FMN1: variants seen among roughly 807,000 people sequenced by gnomAD.
FMN1 encodes formin-1.
A neutral mutation model predicts 132.4 loss-of-function variants in FMN1; 110 were observed. That is an observed-to-expected ratio of 0.83 (90% CI 0.71 to 0.97). The LOEUF (loss-of-function observed/expected upper bound fraction) is 0.97. Among genes scored for constraint, FMN1 ranks in the 50% least tolerant of loss-of-function variants. The probability of loss-of-function intolerance (pLI) is 0.00; values close to 1 mark genes in which losing one functional copy is unlikely to be tolerated. For synonymous variants in FMN1, 722 were observed against 651.7 expected (o/e 1.11, Z -1.64); for missense variants, 1,792 against 1,705.3 (o/e 1.05, Z -0.90).
At chr15:33,163,298 C>T (rs1454618740) in intron 3 of FMN1, among the ~76,000 whole-genome samples, 2 of 144,720 alleles carry the variant, frequency 1.4e-5, no homozygotes, top group Non-Finnish European at 1.5e-5. Flanking sequence ...CTTGTCTTTT[C>T]TTTTTTTTTT....
chr15:32,898,110 T>C (rs1302497423), intron 15 of FMN1, among the ~76,000 whole-genome samples: 2 of 152,192 alleles, frequency 1.3e-5, no homozygotes, highest in Admixed American at 1.3e-4. Flanking sequence ...ACTGCAGGCC[T>C]ATTGAAAGGC....
chr15:32,812,896 T>C (rs1469528371), intron 17 of FMN1, among the ~76,000 whole-genome samples: 1 of 152,234 alleles, frequency 6.6e-6, no homozygotes, highest in Non-Finnish European at 1.5e-5. Context: ...ATAATTTGTA[T>C]AGGTGACAGG....
At chr15:33,051,246 G>T (rs2036956795) in intron 6 of FMN1, among the ~76,000 whole-genome samples, 1 of 152,090 alleles carries the variant, frequency 6.6e-6, no homozygotes, top group African/African-American at 2.4e-5. Flanking sequence ...AATCAGATGT[G>T]TCCTCTTTAA....
At position 32,765,656 on chromosome 15, in the gene FMN1, A is replaced by AGAGCAC. The variant is rs1417621736; in HGVS notation, c.*8653_*8654insGTGCTC. On this transcript the variant is annotated 3_prime_UTR_variant, in exon 21 of 21. Coordinates refer to ENST00000616417, the MANE Select transcript of FMN1 (RefSeq NM_001277313.2). ...TATAATTCTCTTAAAACAAATTAAC[A>AGAGCAC]GAGGTATCAACAGATTAGGATAAAT... 3 of 152,182 alleles carry AGAGCAC rather than the reference A, an allele frequency of 2.0e-5. No individual in the cohort carries two copies. The highest frequency in any genetic ancestry group is 4.4e-5 in the Non-Finnish European group (3 of 68,040). The allele number at this position is 152,182 out of a possible 1,614,324, so 9.4% of individuals were successfully genotyped here.
chr15:33,079,235 T>C (rs925908904), intron 5 of FMN1, among the ~76,000 whole-genome samples: 2 of 152,214 alleles, frequency 1.3e-5, no homozygotes, highest in Admixed American at 1.3e-4. Context: ...AGAATGTGTG[T>C]TATCAAGATC....
chr15:32,830,254 A>T (rs577986337), intron 17 of FMN1, among the ~76,000 whole-genome samples: 1 of 152,310 alleles, frequency 6.6e-6, no homozygotes, highest in South Asian at 2.1e-4. Flanking sequence ...CATATAACTG[A>T]GTGCCACTGA....
intron 6 of FMN1, among the ~76,000 whole-genome samples, chr15:33,013,380 C>G (rs946565681): frequency 6.6e-6 from 1 of 152,064 alleles, no homozygotes; most frequent in African/African-American, 2.4e-5. Flanking sequence ...ATAGTCTGAT[C>G]ATGAAGCTGA....
At chr15:32,933,129 C>T (rs34601681) in intron 9 of FMN1, among the ~76,000 whole-genome samples, 2,477 of 152,218 alleles carry the variant, frequency 0.016, 75 homozygotes, top group African/African-American at 0.057. Context: ...AAACCTTACT[C>T]TTAGTACTGC....
intron 4 of FMN1, among the ~76,000 whole-genome samples, chr15:33,128,582 G>A (rs1463317555): frequency 6.6e-6 from 1 of 152,190 alleles, no homozygotes; most frequent in Non-Finnish European, 1.5e-5. Context: ...CGATGCGTTC[G>A]TGGTCTAACT....
intron 17 of FMN1, chr15:32,811,102 A>C: frequency 2.2e-6 from 1 of 456,822 alleles, no homozygotes; most frequent in South Asian, 1.5e-5. Context: ...TGACATCGGA[A>C]AGGGATGGCC....
chr15:32,940,306 T>C (rs1330470852), intron 9 of FMN1, among the ~76,000 whole-genome samples: 1 of 152,060 alleles, frequency 6.6e-6, no homozygotes, highest in East Asian at 1.9e-4. Context: ...TGCTCGTCAT[T>C]GTATCAACGC....
At position 32,929,455 on chromosome 15, in the gene FMN1, T is replaced by C. The variant is rs1361591300; in HGVS notation, c.3139-3194A>G. 3.3e-5 allele frequency among the ~76,000 whole-genome samples: 5 copies of C among 152,210 alleles called. No individual in the cohort carries two copies. The East Asian group carries it at 7.7e-4, about 23-fold the overall frequency. The stretch of plus-strand genomic sequence containing the variant: ...TTTATGAAAAGTGCACAACATGAAA[T>C]GTATCCTATTAACAAAAATTTAAAT... On this transcript the variant is annotated intron_variant, in intron 9 of 20. Transcript: ENST00000616417.
intron 4 of FMN1, among the ~76,000 whole-genome samples, chr15:33,120,949 A>C (rs1179326218): frequency 6.6e-6 from 1 of 152,186 alleles, no homozygotes; most frequent in Non-Finnish European, 1.5e-5. Flanking sequence ...ATCATCTTGG[A>C]TGCAAAGTAA....
rs539245532 is a variant in FMN1, at chr15:32,960,995, C to CAAAAAAAAAAAAAAAAAA, written c.3138+3094_3138+3111dup. 5.1e-5 allele frequency among the ~76,000 whole-genome samples: 3 copies of CAAAAAAAAAAAAAAAAAA among 59,094 alleles called. No individual in the cohort carries two copies. The East Asian group carries it at 2.0e-3, about 39-fold the overall frequency. The allele number at this position is 59,094 out of a possible 152,430, so 38.8% of individuals were successfully genotyped here. A position where few individuals can be genotyped will look rare whatever the true frequency, so the allele number is the denominator to read the frequency against. On this transcript the variant is annotated intron_variant, in intron 9 of 20. Coordinates refer to ENST00000616417, the MANE Select transcript of FMN1 (RefSeq NM_001277313.2). ...AGATGACAAGAGTGAGACTCCGTCT[C>CAAAAAAAAAAAAAAAAAA]AAAAAAAAAAAAAAAAAAAAAAAAG... is the stretch of plus-strand genomic sequence containing the variant.
At chr15:32,776,716 T>C in intron 20 of FMN1, 119 bp downstream of exon 20, 1 of 545,882 alleles carries the variant, frequency 1.8e-6, no homozygotes, top group Non-Finnish European at 3.2e-6. Context: ...AACCATATGC[T>C]ACTCTGGGAT....
intron 17 of FMN1, among the ~76,000 whole-genome samples, chr15:32,808,721 A>G (rs1178234763): frequency 6.6e-6 from 1 of 152,178 alleles, no homozygotes; most frequent in Admixed American, 6.5e-5. Context: ...GGCATTCCAG[A>G]ATGGCAGCCA....
At chr15:32,949,948 T>C (rs1316031314) in intron 9 of FMN1, among the ~76,000 whole-genome samples, 1 of 50,424 alleles carries the variant, frequency 2.0e-5, no homozygotes, top group Non-Finnish European at 3.5e-5. Context: ...AGCATATATA[T>C]ATATATATAT....
intron 17 of FMN1, among the ~76,000 whole-genome samples, chr15:32,847,963 T>C (rs1360774280): frequency 6.6e-6 from 1 of 152,100 alleles, no homozygotes; most frequent in Non-Finnish European, 1.5e-5. Flanking sequence ...TGAGATTTGG[T>C]TCTATGTTTG....
At chr15:33,082,320 G>T (rs2141331101) in intron 5 of FMN1, among the ~76,000 whole-genome samples, 1 of 152,160 alleles carries the variant, frequency 6.6e-6, no homozygotes, top group African/African-American at 2.4e-5. Context: ...TGATCCACCT[G>T]CCTCGGCCTC....
Sources: allele counts gnomAD v4.1 joint callset (sites outside exome capture counted in the v4.1 genomes callset), GRCh38; gene constraint gnomAD v4.1.1; transcripts MANE v1.5; gene names NCBI Gene and HGNC (gene_info 2026-07-23, HGNC 2026-07-21).